The following EVL variants were observed in gnomAD, a reference collection of about 807,000 sequenced individuals.
EVL encodes Enah/Vasp-like, also known as ena/VASP-like protein.
EVL carries 21 observed loss-of-function variants against 59.6 expected under a neutral mutation model. The observed-to-expected ratio is 0.35, with a 90% confidence interval of 0.25 to 0.51. EVL has a LOEUF of 0.51. Ranked by LOEUF, EVL falls within the 20% of genes least tolerant of loss-of-function variation. The pLI, the probability that EVL is intolerant of heterozygous loss-of-function variation, is 0.97. For synonymous variants in EVL, 198 were observed against 203.5 expected (o/e 0.97, Z 0.23); for missense variants, 462 against 546.6 (o/e 0.85, Z 1.54).
intron 2 of EVL, among the ~76,000 whole-genome samples, chr14:100,087,192 A>G (rs893750624): frequency 1.3e-5 from 2 of 152,248 alleles, no homozygotes; most frequent in African/African-American, 4.8e-5. Context: ...ATAGGTGGAC[A>G]TAAAACCAGG....
At chr14:100,042,917 G>GCC (rs1235697679) in intron 1 of EVL, among the ~76,000 whole-genome samples, 2 of 152,140 alleles carry the variant, frequency 1.3e-5, no homozygotes, top group Admixed American at 1.3e-4. Context: ...AGGTATATAA[G>GCC]CCCTGAGTCT....
At chr14:100,141,105 G>A (rs1178308508) in intron 11 of EVL, 75 bp from the exon 12 acceptor site, 1 of 1,483,470 alleles carries the variant, frequency 6.7e-7, no homozygotes. Flanking sequence ...CCCAGCCTGA[G>A]CGGGGCCTCT....
chr14:100,050,745 AT>A (rs11420567), intron 1 of EVL, among the ~76,000 whole-genome samples: 310 of 135,030 alleles, frequency 2.3e-3, no homozygotes, highest in African/African-American at 6.9e-3. Context: ...TGAGCTCATG[AT>A]TTTTTTTTTT....
At position 100,091,926 on chromosome 14, in the gene EVL, G is replaced by C. The variant is rs878883846; in HGVS notation, c.181-5555G>C. Among the ~76,000 whole-genome samples the C allele has an allele frequency of 5.3e-5, 8 of 152,156 alleles. 2 individuals carry two copies. Among genetic ancestry groups the C allele is most frequent in the Admixed American group, 5.2e-4 (8 of 15,268 alleles). On this transcript the variant is annotated intron_variant, in intron 2 of 13. Transcript: ENST00000392920. ...TACTTGAGAATCTGCAGAATTGCTT[G>C]CTTGTTGTATGAGAGTAGAGAATAG...
In EVL at chr14:99,977,506, C is replaced by G. The variant is rs539896018; in HGVS notation, c.5+5449C>G. ...CTCCATCTCCCAGGTTCAAGTGATT[C>G]TCCTGCCTCAGCCTCCCGAGTAGCT... On this transcript the variant is annotated intron_variant, in intron 1 of 13. Transcript: ENST00000402714. The G allele has an allele frequency of 4.6e-5, 7 of 152,340 alleles. No homozygotes were observed. The South Asian group carries it at 1.0e-3, about 23-fold the overall frequency. The allele number at this position is 152,340 out of a possible 1,614,324, so 9.4% of individuals were successfully genotyped here.
chr14:99,980,983 C>A (rs569931322), intron 1 of EVL, among the ~76,000 whole-genome samples: 92 of 152,122 alleles, frequency 6.0e-4, no homozygotes, highest in South Asian at 1.0e-3. Context: ...TGCCTGTAAT[C>A]CCAGCTACTC....
intron 3 of EVL, among the ~76,000 whole-genome samples, chr14:100,105,667 C>T (rs1483005066): frequency 6.6e-6 from 1 of 151,812 alleles, no homozygotes; most frequent in African/African-American, 2.4e-5. Flanking sequence ...TTGGTTTCTT[C>T]GTCTGTGAAA....
intron 2 of EVL, among the ~76,000 whole-genome samples, chr14:100,089,608 C>G (rs939823996): frequency 2.6e-5 from 4 of 152,168 alleles, no homozygotes; most frequent in African/African-American, 9.7e-5. Context: ...CATAGCAATA[C>G]TTGTGGGACG....
At chr14:100,042,402 T>TA (rs1396262073) in intron 1 of EVL, among the ~76,000 whole-genome samples, 3 of 152,222 alleles carry the variant, frequency 2.0e-5, no homozygotes, top group African/African-American at 4.8e-5. Flanking sequence ...TTTCCAGACT[T>TA]ACGTGATATT....
intron 2 of EVL, among the ~76,000 whole-genome samples, chr14:100,086,456 G>C (rs957839135): frequency 2.0e-5 from 3 of 152,218 alleles, no homozygotes; most frequent in Admixed American, 1.3e-4. Context: ...AATCATAGTA[G>C]GTGTTCCATA....
chr14:100,141,232 G>T lies in EVL; in HGVS notation c.1147G>T (p.Asp383Tyr), dbSNP rs1566735180. Reference sequence around the variant, plus strand: ...CATGGCCCTGGATGCCTTCGACTTGGACCGGATGAAGCAGGTGAGCATGCC... The same window carrying T: ...CATGGCCCTGGATGCCTTCGACTTGTACCGGATGAAGCAGGTGAGCATGCC... ...NDMALDAFDL[D>Y]RMKQEILEEV... is the part of the protein sequence containing the mutation. The change falls in exon 12 of 14, where the codon GAC becomes TAC. Residue 383 changes from aspartate to tyrosine, a missense_variant. By Grantham distance (160) the Asp-to-Tyr change is radical. Transcript: ENST00000392920. 6.2e-7 allele frequency: 1 copy of T among 1,613,838 alleles called. No individual in the cohort carries two copies. The highest frequency in any genetic ancestry group is 1.7e-4 in the Middle Eastern group (1 of 6,060).
At chr14:100,024,233 G>C (rs2061173924) in intron 1 of EVL, among the ~76,000 whole-genome samples, 1 of 152,138 alleles carries the variant, frequency 6.6e-6, no homozygotes, top group South Asian at 2.1e-4. Context: ...ATCTACTCTT[G>C]GGAAATGTGA....
At chr14:100,061,228 AAAAATACAAAAATTAC>A (rs1180372575), upstream of EVL, among the ~76,000 whole-genome samples, 3 of 151,912 alleles carry the variant, frequency 2.0e-5, no homozygotes, top group Middle Eastern at 3.4e-3. Context: ...CTTCTCTACA[AAAAATACAAAAATTAC>A]AAAATACAAA....
upstream of EVL, among the ~76,000 whole-genome samples, chr14:100,063,264 A>G (rs1296071978): frequency 6.6e-6 from 1 of 152,198 alleles, no homozygotes; most frequent in Non-Finnish European, 1.5e-5. Flanking sequence ...CCGCGGTCAG[A>G]AAGAGATGTC....
upstream of EVL, among the ~76,000 whole-genome samples, chr14:100,064,090 G>A (rs978523061): frequency 3.9e-5 from 6 of 152,164 alleles, no homozygotes; most frequent in Non-Finnish European, 8.8e-5. Context: ...CTAAAACAGT[G>A]CTTAAAGGGA....
rs111939860 is a variant in EVL, at chr14:99,983,814, G to A, written c.5+11757G>A. 3.3e-5 allele frequency among the ~76,000 whole-genome samples: 5 copies of A among 152,210 alleles called. 1 individual carries two copies. The highest frequency in any genetic ancestry group is 1.2e-4 in the African/African-American group (5 of 41,534). ...ATTTGAAACATCACTTCCTCAGGGA[G>A]GCAGCCTTTGACCCTTAGCCTAGCT... On this transcript the variant is annotated intron_variant, in intron 1 of 13. Transcript: ENST00000402714.
chr14:100,035,174 G>GT (rs2061370096), intron 1 of EVL, among the ~76,000 whole-genome samples: 1 of 152,050 alleles, frequency 6.6e-6, no homozygotes, highest in African/African-American at 2.4e-5. Flanking sequence ...TATTTTTGGA[G>GT]TTAAAATGAA....
chr14:100,070,099 T>A (rs78631737), intron 1 of EVL, among the ~76,000 whole-genome samples: 15,328 of 149,676 alleles, frequency 0.1, 910 homozygotes, highest in African/African-American at 0.14. Context: ...AAAATAAAAT[T>A]AAAAAATGAA....
intron 2 of EVL, among the ~76,000 whole-genome samples, chr14:100,095,673 T>C (rs1266307750): frequency 1.3e-5 from 2 of 152,164 alleles, no homozygotes; most frequent in East Asian, 3.8e-4. Flanking sequence ...TTGGCCAAAA[T>C]ATGTGCCTGT....
Sources: gnomAD v4.1 joint callset for allele counts (sites outside exome capture counted in the v4.1 genomes callset) on GRCh38, gnomAD v4.1.1 for gene constraint, MANE v1.5 for transcripts, NCBI Gene and HGNC (gene_info 2026-07-23, HGNC 2026-07-21) for gene names.